The following SF3B3 variants were observed in gnomAD, a reference collection of about 807,000 sequenced individuals.
SF3B3 encodes splicing factor 3b subunit 3.
SF3B3 carries 33 observed loss-of-function variants against 139.2 expected under a neutral mutation model. The ratio of observed to expected loss-of-function variants is 0.24; its 90% CI spans 0.18 to 0.32. The LOEUF is 0.32. SF3B3 is among the 10% of genes least tolerant of loss of function. SF3B3 has a pLI of 1.00. For synonymous variants in SF3B3, 596 were observed against 563.6 expected, an observed-to-expected ratio of 1.06 and a Z score of -0.81; for missense variants, 818 against 1,509.4, an observed-to-expected ratio of 0.54 and a Z score of 7.59.
At chr16:70,525,878 GT>G (rs1343297751) in intron 1 of SF3B3, among the ~76,000 whole-genome samples, 4 of 148,308 alleles carry the variant, frequency 2.7e-5, no homozygotes, top group Non-Finnish European at 5.9e-5. Context: ...GGAGAATGGT[GT>G]GAACCCAGGA....
chr16:70,535,520 A>G (rs777135228), intron 6 of SF3B3, 100 bp downstream of exon 6: 11 of 608,578 alleles, frequency 1.8e-5, no homozygotes, highest in Non-Finnish European at 2.5e-5. Context: ...TTGTAAATTA[A>G]AAAAAAAATT....
rs142032952 is a variant in SF3B3 at position 70,556,257 on chromosome 16, C to G, written c.1789C>G (p.Pro597Ala). Residue 597 changes from proline to alanine, a missense_variant, in exon 14 of 26, where the codon CCT (proline) becomes GCT (alanine). Coordinates refer to ENST00000302516, the MANE Select transcript of SF3B3 (RefSeq NM_012426.5). ...GTGCATGAGTCTGGCCAATGTACCC[C>G]CTGGAGAGCAGCGGTCTCGCTTCCT... is the stretch of plus-strand genomic sequence containing the variant. ...VVCMSLANVPPGEQRSRFLAV... is the reference protein window; with the variant it reads ...VVCMSLANVPAGEQRSRFLAV... 8 of 1,614,042 alleles carry G rather than the reference C, an allele frequency of 5.0e-6. No individual in the cohort carries two copies. In the African/African-American group the frequency reaches 9.3e-5, roughly 19 times the overall value.
At chr16:70,557,521 C>CT (rs2050390004) in intron 15 of SF3B3, among the ~76,000 whole-genome samples, 2 of 152,320 alleles carry the variant, frequency 1.3e-5, no homozygotes, top group South Asian at 2.1e-4. Context: ...ACTCAGACAT[C>CT]TAAGTAATCT....
intron 6 of SF3B3, among the ~76,000 whole-genome samples, chr16:70,536,692 A>T (rs1460359807): frequency 6.7e-6 from 1 of 150,302 alleles, no homozygotes; most frequent in African/African-American, 2.5e-5. Context: ...GGGGTTTGCC[A>T]TGTTGGCCAT....
chr16:70,568,265 T>C lies in SF3B3; in HGVS notation c.2953-18T>C, dbSNP rs1263193974. 1.6e-5 allele frequency: 25 copies of C among 1,581,846 alleles called. 1 individual carries two copies. The Admixed American group carries it at 3.8e-4, about 24-fold the overall frequency. On this transcript the variant is annotated intron_variant, in intron 21 of 25. Transcript: ENST00000302516. ...CCAAGATTACACCCACCATCACTATTGTCTTTGTTTTTCCCAGCATATTGC... is the reference window on the plus strand; with the variant it reads ...CCAAGATTACACCCACCATCACTATCGTCTTTGTTTTTCCCAGCATATTGC...
At chr16:70,539,560 A>G (rs2050199835) in intron 8 of SF3B3, among the ~76,000 whole-genome samples, 1 of 149,674 alleles carries the variant, frequency 6.7e-6, no homozygotes, top group Non-Finnish European at 1.5e-5. Flanking sequence ...AAAAAAAAAT[A>G]GTTGGCAGTA....
Position 70,544,421 on chromosome 16 carries a change from A to G in SF3B3, c.1234-17A>G. 1 of 1,543,860 alleles carries G rather than the reference A, an allele frequency of 6.5e-7. No individual in the cohort carries two copies. The highest frequency in any genetic ancestry group is 8.9e-7 in the Non-Finnish European group (1 of 1,120,558). On this transcript the variant is annotated splice_polypyrimidine_tract_variant and intron_variant, in intron 9 of 25. Transcript: ENST00000302516. ...AGCACTGGAGACATTTTTTCCTCTA[A>G]CTTTTTCTCTGTGCAGATAGCTGAT...
In SF3B3 at chr16:70,523,816, G is replaced by A; in HGVS notation, c.-183G>A. On this transcript the variant is annotated 5_prime_UTR_variant, in exon 1 of 26. Transcript: ENST00000302516. ...TTTTTCCGCCGCGCGCCACCAGAAT[G>A]TCCCTGTCTTGAGGTCTAATGGCGG... is the stretch of plus-strand genomic sequence containing the variant. The A allele has an allele frequency of 3.5e-6, 2 of 574,968 alleles. No homozygotes were observed. Among genetic ancestry groups the A allele is most frequent in the Non-Finnish European group, 6.1e-6 (2 of 326,220 alleles). The allele number at this position is 574,968 out of a possible 1,614,324, so 35.6% of individuals were successfully genotyped here.
intron 9 of SF3B3, among the ~76,000 whole-genome samples, chr16:70,543,392 G>A (rs1303047065): frequency 6.9e-6 from 1 of 144,050 alleles, no homozygotes; most frequent in Non-Finnish European, 1.5e-5. Context: ...CCTGGGTAAC[G>A]AGCGAAACCC....
At chr16:70,548,309 TGTAAGCAG>T in intron 10 of SF3B3, 53 bp from the exon 11 acceptor site, 1 of 1,349,398 alleles carries the variant, frequency 7.4e-7, no homozygotes, top group South Asian at 1.2e-5. Flanking sequence ...TTGATGTGAT[TGTAAGCAG>T]GTAGCTGAGT....
intron 23 of SF3B3, 76 bp from the exon 24 acceptor site, chr16:70,569,930 G>A: frequency 6.5e-7 from 1 of 1,528,826 alleles, no homozygotes; most frequent in South Asian, 1.2e-5. Context: ...GTGCCTTAGG[G>A]AGCACTGCTT....
chr16:70,548,321 G>T, intron 10 of SF3B3, 49 bp from the exon 11 acceptor site: 2 of 1,444,198 alleles, frequency 1.4e-6, no homozygotes, highest in Non-Finnish European at 2.0e-6. Flanking sequence ...TAAGCAGGTA[G>T]CTGAGTTGCA....
intron 23 of SF3B3, among the ~76,000 whole-genome samples, chr16:70,569,378 C>T (rs1384750973): frequency 6.6e-6 from 1 of 152,182 alleles, no homozygotes; most frequent in African/African-American, 2.4e-5. Context: ...TTACTTTCTC[C>T]TGTAGGCATG....
At chr16:70,545,649 T>C (rs555891985) in intron 10 of SF3B3, among the ~76,000 whole-genome samples, 79 of 152,318 alleles carry the variant, frequency 5.2e-4, no homozygotes, top group Admixed American at 1.2e-3. Flanking sequence ...GCTACCTGTT[T>C]CTGTAAATTT....
intron 23 of SF3B3, 87 bp downstream of exon 23, chr16:70,569,228 T>C: frequency 1.1e-6 from 1 of 902,298 alleles, no homozygotes; most frequent in Non-Finnish European, 1.8e-6. Flanking sequence ...TGGTGAATTA[T>C]TCATAGTGCA....
intron 16 of SF3B3, 74 bp downstream of exon 16, chr16:70,560,665 T>C: frequency 1.3e-6 from 2 of 1,528,436 alleles, no homozygotes; most frequent in Non-Finnish European, 1.8e-6. Context: ...ATCTTTGCTG[T>C]AAGCTTCACT....
Position 70,533,367 on chromosome 16 carries a change from C to G in SF3B3, c.712+747C>G, listed in dbSNP as rs374409984. Among the ~76,000 whole-genome samples, 6 of 151,962 alleles carry G rather than the reference C, an allele frequency of 3.9e-5. No individual in the cohort carries two copies. In the East Asian group the frequency reaches 5.8e-4, roughly 15 times the overall value. On this transcript the variant is annotated intron_variant, in intron 5 of 25. Transcript: ENST00000302516. ...AAAAAAAAAAGTAAAACAGATTTCT[C>G]TAGAGTAGAAAAAGAGTAAATGCTA... is the stretch of plus-strand genomic sequence containing the variant.
At chr16:70,535,483 T>C in intron 6 of SF3B3, 63 bp downstream of exon 6, 2 of 860,542 alleles carry the variant, frequency 2.3e-6, no homozygotes, top group Non-Finnish European at 3.6e-6. Context: ...CAGTGTAGTC[T>C]CTTAGTTTGT....
At chr16:70,569,743 A>G (rs768781010) in intron 23 of SF3B3, among the ~76,000 whole-genome samples, 18 of 151,822 alleles carry the variant, frequency 1.2e-4, no homozygotes, top group Non-Finnish European at 1.6e-4. Context: ...GATCCTTCCC[A>G]CTCAGCCTCC....
Sources: gnomAD v4.1 joint callset for allele counts (sites outside exome capture counted in the v4.1 genomes callset) on GRCh38, gnomAD v4.1.1 for gene constraint, MANE v1.5 for transcripts, NCBI Gene and HGNC (gene_info 2026-07-23, HGNC 2026-07-21) for gene names.